SLIT3: variants seen among roughly 807,000 people sequenced by gnomAD.
The protein encoded by SLIT3 is slit homolog 3 protein.
In SLIT3, 68 loss-of-function variants were observed where a neutral mutation model predicts 184.0. That is an observed-to-expected ratio of 0.37 (90% CI 0.30 to 0.45). The LOEUF (loss-of-function observed/expected upper bound fraction) is 0.45, where lower values mean the gene tolerates loss of function less well. Among genes scored for constraint, SLIT3 ranks in the 20% least tolerant of loss-of-function variants. SLIT3 has a pLI of 1.00. For missense variants in SLIT3, 1,707 were observed against 2,026.0 expected, an observed-to-expected ratio of 0.84 and a Z score of 3.02; for synonymous variants, 831 against 828.6, an observed-to-expected ratio of 1.00 and a Z score of -0.05.
intron 15 of SLIT3, among the ~76,000 whole-genome samples, chr5:168,761,903 A>G (rs1280984665): frequency 1.4e-5 from 2 of 138,892 alleles, no homozygotes; most frequent in African/African-American, 5.4e-5. Flanking sequence ...TATCATGCCC[A>G]GCTAATAAAA....
chr5:168,956,035 C>T (rs1364623766), intron 4 of SLIT3, among the ~76,000 whole-genome samples: 1 of 152,160 alleles, frequency 6.6e-6, no homozygotes, highest in South Asian at 2.1e-4. Context: ...AATCCAAACT[C>T]TGGATGCAGC....
At chr5:169,172,444 ATATACTT>A (rs1192012270) in intron 4 of SLIT3, among the ~76,000 whole-genome samples, 1 of 152,232 alleles carries the variant, frequency 6.6e-6, no homozygotes, top group Non-Finnish European at 1.5e-5. Flanking sequence ...CTAGCTGCGT[ATATACTT>A]TCACATCTTG....
chr5:169,194,233 CAAAAAAAAAAAAAA>C (rs10571842), intron 3 of SLIT3, among the ~76,000 whole-genome samples: 3 of 61,396 alleles, frequency 4.9e-5, no homozygotes, highest in Admixed American at 2.7e-4. Context: ...GACTCTGTCT[CAAAAAAAAAAAAAA>C]AAAAAAAAAA....
chr5:169,179,055 AC>A (rs1763068359), intron 4 of SLIT3, among the ~76,000 whole-genome samples: 1 of 152,136 alleles, frequency 6.6e-6, no homozygotes, highest in Admixed American at 6.5e-5. Flanking sequence ...TTTATACAAC[AC>A]CAAGCCAGAG....
intron 4 of SLIT3, among the ~76,000 whole-genome samples, chr5:168,931,216 GA>G (rs1209058013): frequency 6.6e-6 from 1 of 152,206 alleles, no homozygotes; most frequent in East Asian, 1.9e-4. Flanking sequence ...AAAAGAGAAA[GA>G]ACGCATTTAA....
chr5:169,072,577 T>G (rs1758592264), intron 4 of SLIT3, among the ~76,000 whole-genome samples: 1 of 152,246 alleles, frequency 6.6e-6, no homozygotes, highest in Non-Finnish European at 1.5e-5. Context: ...AGAGCCACCA[T>G]GCAAGTACTG....
At chr5:169,049,783 C>G (rs1239984540) in intron 4 of SLIT3, among the ~76,000 whole-genome samples, 1 of 152,154 alleles carries the variant, frequency 6.6e-6, no homozygotes, top group Non-Finnish European at 1.5e-5. Context: ...AGACAGAAAC[C>G]TAAACTCTAA....
At chr5:169,158,238 T>G (rs991707081) in intron 4 of SLIT3, among the ~76,000 whole-genome samples, 2 of 152,194 alleles carry the variant, frequency 1.3e-5, no homozygotes, top group Non-Finnish European at 2.9e-5. Context: ...AATACTTTAC[T>G]GACTTACCTA....
chr5:169,017,382 A>C (rs1465564243), intron 4 of SLIT3, among the ~76,000 whole-genome samples: 1 of 152,220 alleles, frequency 6.6e-6, no homozygotes, highest in Non-Finnish European at 1.5e-5. Flanking sequence ...GAAGGTCCCT[A>C]ATACGGAAAT....
chr5:169,289,942 C>T (rs1320352211), intron 1 of SLIT3, among the ~76,000 whole-genome samples: 1 of 151,986 alleles, frequency 6.6e-6, no homozygotes, highest in Non-Finnish European at 1.5e-5. Flanking sequence ...AGAACATACA[C>T]CAGGGCATAC....
At chr5:169,041,217 T>C (rs1401219940) in intron 4 of SLIT3, among the ~76,000 whole-genome samples, 2 of 152,236 alleles carry the variant, frequency 1.3e-5, no homozygotes, top group African/African-American at 4.8e-5. Context: ...CATGGCTCTC[T>C]CACTCATTTG....
intron 4 of SLIT3, among the ~76,000 whole-genome samples, chr5:169,044,490 C>G (rs1346197813): frequency 6.6e-6 from 1 of 150,902 alleles, no homozygotes; most frequent in Non-Finnish European, 1.5e-5. Context: ...ACATAAAAGG[C>G]CACATACTGC....
chr5:168,924,638 T>G (rs1323078187), intron 4 of SLIT3, among the ~76,000 whole-genome samples: 2 of 152,018 alleles, frequency 1.3e-5, no homozygotes, highest in African/African-American at 4.8e-5. Context: ...AAATCCCAAG[T>G]AGCTGGGATT....
intron 1 of SLIT3, among the ~76,000 whole-genome samples, chr5:169,275,893 G>C (rs996164153): frequency 2.6e-5 from 4 of 152,092 alleles, no homozygotes; most frequent in African/African-American, 9.7e-5. Flanking sequence ...GGTGGGCTAG[G>C]GTCAGGATGG....
rs1760960352 is a variant in SLIT3, at chr5:168,664,177, C to T, written c.*2277G>A. 6.6e-6 allele frequency: 1 copy of T among 152,132 alleles called. No homozygotes were observed. The highest frequency in any genetic ancestry group is 1.5e-5 in the Non-Finnish European group (1 of 68,024). 9.4% of individuals were successfully genotyped at this position (152,132 alleles called of 1,614,324 possible). On this transcript the variant is annotated 3_prime_UTR_variant, in exon 36 of 36. Coordinates refer to ENST00000519560, the MANE Select transcript of SLIT3 (RefSeq NM_003062.4). ...ATCTATTTCACAATTAGAGTGGTAT[C>T]TGATGTATAATAAAGTACTAAATAA... is the stretch of plus-strand genomic sequence containing the variant.
At chr5:168,856,263 C>G (rs1758860742) in intron 5 of SLIT3, among the ~76,000 whole-genome samples, 1 of 152,150 alleles carries the variant, frequency 6.6e-6, no homozygotes, top group Admixed American at 6.5e-5. Flanking sequence ...TTGCTCTTTC[C>G]ATGACAGGCA....
intron 7 of SLIT3, among the ~76,000 whole-genome samples, chr5:168,821,281 A>G (rs929772424): frequency 1.3e-5 from 2 of 152,212 alleles, no homozygotes; most frequent in Admixed American, 1.3e-4. Context: ...AGCTTCTGTT[A>G]TTGCTGCTTC....
chr5:168,904,008 C>A (rs527649282), intron 4 of SLIT3, among the ~76,000 whole-genome samples: 75 of 152,036 alleles, frequency 4.9e-4, no homozygotes, highest in Non-Finnish European at 9.0e-4. Context: ...CCTTACCAAC[C>A]CCTTCAATTT....
At chr5:169,154,063 C>T (rs1762215173) in intron 4 of SLIT3, among the ~76,000 whole-genome samples, 2 of 151,678 alleles carry the variant, frequency 1.3e-5, no homozygotes, top group South Asian at 2.1e-4. Context: ...AGCTCCACCT[C>T]CTGGGTTCAC....
Sources: gnomAD v4.1 joint callset for allele counts (sites outside exome capture counted in the v4.1 genomes callset) on GRCh38, gnomAD v4.1.1 for gene constraint, MANE v1.5 for transcripts, NCBI Gene and HGNC (gene_info 2026-07-23, HGNC 2026-07-21) for gene names.